The following PDE1C variants were observed in gnomAD, a reference collection of about 807,000 sequenced individuals.
PDE1C encodes the protein phosphodiesterase 1C, also known as dual specificity calcium/calmodulin-dependent 3',5'-cyclic nucleotide phosphodiesterase 1C.
PDE1C carries 62 observed loss-of-function variants against 93.1 expected under a neutral mutation model. That is an observed-to-expected ratio of 0.67 (90% confidence interval 0.54 to 0.82). The LOEUF (loss-of-function observed/expected upper bound fraction) is 0.82, where lower values mean the gene tolerates loss of function less well. Among genes scored for constraint, PDE1C ranks in the 40% least tolerant of loss-of-function variants. The pLI, the probability that PDE1C is intolerant of heterozygous loss-of-function variation, is 0.00. For missense variants in PDE1C, 742 were observed against 884.6 expected (o/e 0.84, Z 2.04); for synonymous variants, 325 against 310.1 (o/e 1.05, Z -0.50).
At chr7:32,387,130 G>A (rs1394885757) in intron 1 of PDE1C, among the ~76,000 whole-genome samples, 1 of 150,942 alleles carries the variant, frequency 6.6e-6, no homozygotes, top group Non-Finnish European at 1.5e-5. Context: ...ATCTTGCACC[G>A]CCCTTAATCC....
rs75081360 is a variant in PDE1C at position 32,285,611 on chromosome 7, T to G, written c.85+13040A>C. On this transcript the variant is annotated intron_variant, in intron 1 of 18. Coordinates refer to the PDE1C transcript ENST00000396193. ...GTACTCTTAAAATGGGTAAATTTTATGATATGTAGATTACACCTCAATAAA... is the reference window on the plus strand; with the variant it reads ...GTACTCTTAAAATGGGTAAATTTTAGGATATGTAGATTACACCTCAATAAA... 3.6e-3 allele frequency among the ~76,000 whole-genome samples: 542 copies of G among 151,666 alleles called. 1 individual carries two copies. Among genetic ancestry groups the G allele is most frequent in the African/African-American group, 0.012 (511 of 41,266 alleles).
chr7:32,420,229 ATGTATATATATGTGTATATATATACATG>A (rs1562716761), intron 1 of PDE1C, among the ~76,000 whole-genome samples: 43 of 25,230 alleles, frequency 1.7e-3, no homozygotes, highest in Non-Finnish European at 2.1e-3. Flanking sequence ...ATACATATAT[ATGTATATATATGTGTATATATATACATG>A]TGTATATATA....
At chr7:31,624,851 A>G in the PDE1C span, among the ~76,000 whole-genome samples, 6 of 152,182 alleles carry the variant, frequency 3.9e-5, no homozygotes, top group South Asian at 4.1e-4. Context: ...CAAAATGGGA[A>G]AAAATTTTCG....
downstream of PDE1C, among the ~76,000 whole-genome samples, chr7:31,750,722 T>G (rs1794104765): frequency 6.6e-6 from 1 of 152,170 alleles, no homozygotes; most frequent in South Asian, 2.1e-4. Context: ...TTGTTTTTTT[T>G]GTTTTGTTTT....
chr7:31,719,343 G>T, the PDE1C span, among the ~76,000 whole-genome samples: 1 of 152,192 alleles, frequency 6.6e-6, no homozygotes, highest in Admixed American at 6.5e-5. Context: ...GGGCTCAAGA[G>T]ACAGACAGCT....
At chr7:32,127,314 G>A (rs767838299) in intron 3 of PDE1C, among the ~76,000 whole-genome samples, 3 of 152,034 alleles carry the variant, frequency 2.0e-5, no homozygotes, top group Non-Finnish European at 2.9e-5. Context: ...ATAAATATAC[G>A]TCCTATTGGT....
intron 1 of PDE1C, among the ~76,000 whole-genome samples, chr7:32,271,562 T>C (rs116820683): frequency 0.011 from 1,741 of 152,230 alleles, 44 homozygotes; most frequent in African/African-American, 0.04. Context: ...TGGAAGAAGA[T>C]ATAGTAGCAG....
intron 3 of PDE1C, among the ~76,000 whole-genome samples, chr7:32,125,639 G>C (rs1345945101): frequency 6.6e-6 from 1 of 151,986 alleles, no homozygotes; most frequent in African/African-American, 2.4e-5. Flanking sequence ...AACACCACAT[G>C]TTCTCACTCA....
chr7:32,399,494 C>T (rs1367483822), intron 1 of PDE1C, among the ~76,000 whole-genome samples: 1 of 151,962 alleles, frequency 6.6e-6, no homozygotes, highest in Non-Finnish European at 1.5e-5. Context: ...TCACTATGTC[C>T]TCATGTGGCA....
chr7:31,823,629 A>C (rs1382529816), intron 13 of PDE1C, among the ~76,000 whole-genome samples: 3 of 151,948 alleles, frequency 2.0e-5, no homozygotes, highest in Non-Finnish European at 4.4e-5. Context: ...CACACTGACC[A>C]CTTTTCCAAG....
chr7:32,304,753 C>T (rs1812956765), intron 1 of PDE1C, among the ~76,000 whole-genome samples: 1 of 152,122 alleles, frequency 6.6e-6, no homozygotes, highest in Non-Finnish European at 1.5e-5. Context: ...AAATACCTAT[C>T]TCATAAGAAA....
rs549237255 is a variant in PDE1C at position 32,342,432 on chromosome 7, T to C, written c.310+85390A>G. On this transcript the variant is annotated intron_variant, in intron 1 of 1. Transcript: ENST00000672256. ...CAAAGTCATGTATTATCTTGCTTCATATATATAATTCTTTCTTTTATATAA... is the reference window on the plus strand; with the variant it reads ...CAAAGTCATGTATTATCTTGCTTCACATATATAATTCTTTCTTTTATATAA... Among the ~76,000 whole-genome samples, 25 of 152,376 alleles carry C rather than the reference T, an allele frequency of 1.6e-4. No homozygotes were observed. In the South Asian group the frequency reaches 5.2e-3, roughly 32 times the overall value.
intron 3 of PDE1C, among the ~76,000 whole-genome samples, chr7:32,125,723 T>TG (rs1211865649): frequency 6.6e-6 from 1 of 150,774 alleles, no homozygotes; most frequent in South Asian, 2.1e-4. Flanking sequence ...TGTTGGGGGT[T>TG]GGGGGGCGAG....
chr7:32,392,099 A>G (rs1246848701), intron 1 of PDE1C, among the ~76,000 whole-genome samples: 2 of 152,174 alleles, frequency 1.3e-5, no homozygotes, highest in Non-Finnish European at 2.9e-5. Flanking sequence ...TACAAAAAAA[A>G]GAAGACAAGA....
At chr7:32,115,864 A>C (rs1194559358) in intron 3 of PDE1C, among the ~76,000 whole-genome samples, 1 of 152,202 alleles carries the variant, frequency 6.6e-6, no homozygotes, top group Non-Finnish European at 1.5e-5. Context: ...CATCAGAGGC[A>C]AGAATTCTAC....
chr7:31,646,532 G>A, the PDE1C span, among the ~76,000 whole-genome samples: 2 of 152,186 alleles, frequency 1.3e-5, no homozygotes, highest in Non-Finnish European at 2.9e-5. Flanking sequence ...AGGAGCAGAA[G>A]ATTAAACCTG....
At chr7:32,327,537 A>C (rs1449996810) in intron 1 of PDE1C, among the ~76,000 whole-genome samples, 2 of 152,110 alleles carry the variant, frequency 1.3e-5, no homozygotes, top group Non-Finnish European at 2.9e-5. Flanking sequence ...GGGAGGCCGA[A>C]GTGGGTGGAT....
chr7:31,705,183 T>A, the PDE1C span, among the ~76,000 whole-genome samples: 1 of 152,170 alleles, frequency 6.6e-6, no homozygotes, highest in South Asian at 2.1e-4. Flanking sequence ...CTTTTCTTAT[T>A]CCTGAAATCC....
chr7:31,864,533 G>C (rs1470186467), intron 7 of PDE1C, among the ~76,000 whole-genome samples: 1 of 152,154 alleles, frequency 6.6e-6, no homozygotes, highest in Non-Finnish European at 1.5e-5. Flanking sequence ...AGACTTAGTG[G>C]CTTAAACCAA....
Sources: allele counts gnomAD v4.1 joint callset (sites outside exome capture counted in the v4.1 genomes callset), GRCh38; gene constraint gnomAD v4.1.1; transcripts MANE v1.5; gene names NCBI Gene and HGNC (gene_info 2026-07-23, HGNC 2026-07-21).